The following MUC12 variants were observed in gnomAD, a reference collection of about 807,000 sequenced individuals.
MUC12 encodes mucin 12, cell surface associated.
MUC12 carries 172 observed loss-of-function variants against 230.8 expected under a neutral mutation model. That is an observed-to-expected ratio of 0.75 (90% CI 0.66 to 0.85). MUC12 has a LOEUF of 0.85. Ranked by LOEUF, MUC12 falls within the 40% of genes least tolerant of loss-of-function variation. The probability of loss-of-function intolerance (pLI) is 0.00; values close to 1 mark genes in which losing one functional copy is unlikely to be tolerated. For missense variants in MUC12, 3,506 were observed against 5,920.6 expected (o/e 0.59, Z 13.38); for synonymous variants, 1,259 against 2,401.9 (o/e 0.52, Z 13.91).
intron 1 of MUC12, among the ~76,000 whole-genome samples, chr7:100,973,259 G>A (rs1426493522): frequency 4.8e-5 from 1 of 20,706 alleles, no homozygotes; most frequent in Non-Finnish European, 1.1e-4. Context: ...CTTGATGGTT[G>A]GCTGGGGGAC....
At chr7:100,981,083 A>G (rs1793097730) in intron 1 of MUC12, among the ~76,000 whole-genome samples, 1 of 152,258 alleles carries the variant, frequency 6.6e-6, no homozygotes, top group South Asian at 2.1e-4. Flanking sequence ...CTGACAAAGA[A>G]GAAATCATAT....
At chr7:100,969,904 G>T (rs1355296799) in intron 1 of MUC12, among the ~76,000 whole-genome samples, 7 of 152,298 alleles carry the variant, frequency 4.6e-5, no homozygotes, top group African/African-American at 9.6e-5. Flanking sequence ...TTGTGCAGGG[G>T]ATGGTCTGCA....
Position 100,991,297 on chromosome 7 carries a change from T to A in MUC12, c.734T>A (p.Leu245His). ...CCTGACAACACCACAACCTCAGGCC[T>A]CCTTGAAGCATCTACGCCCGTCCAC... is the stretch of plus-strand genomic sequence containing the variant. The part of the protein sequence containing the change: ...RLPDNTTTSG[L>H]LEASTPVHSS... Residue 245 changes from leucine to histidine, a missense_variant, in exon 2 of 12, where the codon CTC becomes CAC. Transcript: ENST00000536621. 6.5e-7 allele frequency: 1 copy of A among 1,537,052 alleles called. No individual in the cohort carries two copies. The highest frequency in any genetic ancestry group is 8.7e-7 in the Non-Finnish European group (1 of 1,146,880).
At chr7:100,981,538 T>C in intron 1 of MUC12, 1 of 438,190 alleles carries the variant, frequency 2.3e-6, no homozygotes. Flanking sequence ...GAATGTGAGA[T>C]TTCAGAAAGA....
rs760683360 is a variant in MUC12, at chr7:101,004,732, A to T, written c.14169A>T (p.Thr4723=). The part of the protein sequence containing the change: ...TFYISPGSME[T]TLASTATTPG... ...ATATCTCTCCAGGCTCAATGGAAAC[A>T]ACATTAGCCAGCACTGCCACAACAC... The change falls in exon 2 of 12, where the codon ACA becomes ACT. Residue 4723 remains threonine (T), a synonymous_variant. Transcript: ENST00000536621. 6.5e-7 allele frequency: 1 copy of T among 1,536,972 alleles called. No homozygotes were observed. Among genetic ancestry groups the T allele is most frequent in the South Asian group, 1.2e-5 (1 of 84,012 alleles).
At position 101,004,538 on chromosome 7, in the gene MUC12, C is replaced by T. The variant is rs11766024; in HGVS notation, c.13975C>T (p.His4659Tyr). The T allele has an allele frequency of 0.44, 676,460 of 1,535,750 alleles. 153,077 individuals carry two copies. The highest frequency in any genetic ancestry group is 0.58 in the East Asian group (23,466 of 40,720). The change falls in exon 2 of 12, where the codon CAC becomes TAC. Residue 4659 changes from histidine to tyrosine, a missense_variant. Physicochemically the swap from His to Tyr is moderately conservative, Grantham distance 83 (BLOSUM62 2). Transcript: ENST00000536621. ...SALVEEPTSYHSSPGSIATTH... is the reference protein window; with the variant it reads ...SALVEEPTSYYSSPGSIATTH... ...CCTTGTTGAAGAACCTACCAGCTAC[C>T]ACAGCAGCCCGGGCTCAATTGCAAC...
At chr7:100,970,136 G>A (rs370461627) in intron 1 of MUC12, among the ~76,000 whole-genome samples, 1 of 152,304 alleles carries the variant, frequency 6.6e-6, no homozygotes, top group Non-Finnish European at 1.5e-5. Flanking sequence ...GTGTGTGACA[G>A]TATCATCTCT....
In MUC12 at chr7:101,006,572, G is replaced by A; in HGVS notation, c.15058G>A (p.Glu5020Lys). The A allele has an allele frequency of 6.5e-7, 1 of 1,533,166 alleles. No individual in the cohort carries two copies. The highest frequency in any genetic ancestry group is 8.7e-7 in the Non-Finnish European group (1 of 1,143,230). The allele number at this position is 1,533,166 out of a possible 1,614,324, so 95.0% of individuals were successfully genotyped here. A position where few individuals can be genotyped will look rare whatever the true frequency, so the allele number is the denominator to read the frequency against. The change falls in exon 3 of 12, where the codon GAA becomes AAA. Residue 5020 changes from glutamate (E) to lysine (K), a missense_variant and splice_region_variant. Transcript: ENST00000536621. ...GTCCCCTCTGGAATCCTTCCCTGTA[G>A]GTAATGACCTTTTCTGAGACCTGCA... is the stretch of plus-strand genomic sequence containing the variant. ...CLSPLESFPV[E>K]TPEKLNATLG...
At position 101,008,663 on chromosome 7, in the gene MUC12, G is replaced by A; in HGVS notation, c.15088G>A (p.Gly5030Ser). Residue 5030 changes from glycine to serine, a missense_variant, in exon 4 of 12, where the codon GGT becomes AGT. Physicochemically the swap from Gly to Ser is moderately conservative, Grantham distance 56 (BLOSUM62 0). Coordinates refer to ENST00000536621, the MANE Select transcript of MUC12 (RefSeq NM_001164462.2). The stretch of plus-strand genomic sequence containing the variant: ...CCCGGAAAAACTCAACGCCACTTTA[G>A]GTATGACAGTGAAAGTGACTTACAG... ...ETPEKLNATL[G>S]MTVKVTYRNF... The A allele has an allele frequency of 1.3e-6, 2 of 1,537,338 alleles. No individual in the cohort carries two copies. Among genetic ancestry groups the A allele is most frequent in the Non-Finnish European group, 1.7e-6 (2 of 1,146,942 alleles).
intron 8 of MUC12, 82 bp downstream of exon 8, chr7:101,013,224 G>C: frequency 6.7e-7 from 1 of 1,483,658 alleles, no homozygotes; most frequent in Non-Finnish European, 9.0e-7. Flanking sequence ...CACAGGGTTG[G>C]GGGATTGAGT....
At chr7:101,014,634 T>C (rs1021688216) in intron 9 of MUC12, among the ~76,000 whole-genome samples, 1 of 152,074 alleles carries the variant, frequency 6.6e-6, no homozygotes, top group Admixed American at 6.5e-5. Context: ...CATTCCACCA[T>C]GCCTGGCTAA....
At chr7:101,006,128 T>C (rs1793746107) in intron 2 of MUC12, among the ~76,000 whole-genome samples, 1 of 152,146 alleles carries the variant, frequency 6.6e-6, no homozygotes, top group Non-Finnish European at 1.5e-5. Flanking sequence ...AGAATCCGCA[T>C]CTGCTCTGGC....
chr7:101,018,062 CCTGGG>C (rs1475663760), intron 11 of MUC12, among the ~76,000 whole-genome samples: 46 of 262 alleles, frequency 0.18, 18 homozygotes, highest in Middle Eastern at 0.5. Context: ...TTCCCTTCCC[CCTGGG>C]ACTCCCTCCC....
chr7:100,984,197 A>C (rs1256560877), intron 1 of MUC12, among the ~76,000 whole-genome samples: 1 of 152,108 alleles, frequency 6.6e-6, no homozygotes, highest in African/African-American at 2.4e-5. Flanking sequence ...ACACTCTCAA[A>C]GAGGGGAGAG....
intron 11 of MUC12, 67 bp from the exon 12 acceptor site, chr7:101,018,528 T>C: frequency 7.5e-7 from 1 of 1,333,688 alleles, no homozygotes; most frequent in Non-Finnish European, 9.9e-7. Flanking sequence ...GGGCTCCCTC[T>C]TCCTCCTGGG....
At chr7:100,970,744 TC>T (rs956113156) in intron 1 of MUC12, among the ~76,000 whole-genome samples, 1 of 151,550 alleles carries the variant, frequency 6.6e-6, no homozygotes, top group African/African-American at 2.4e-5. Flanking sequence ...TGGCCTGTAA[TC>T]CCAGCACTTT....
chr7:101,011,859 A>G (rs1321591858), intron 5 of MUC12, among the ~76,000 whole-genome samples: 2 of 152,244 alleles, frequency 1.3e-5, no homozygotes, highest in Admixed American at 1.3e-4. Flanking sequence ...ACAAGGGTAC[A>G]AATATAAATT....
chr7:100,978,040 C>T (rs1037659284), intron 1 of MUC12, among the ~76,000 whole-genome samples: 3 of 152,196 alleles, frequency 2.0e-5, no homozygotes, highest in African/African-American at 7.2e-5. Flanking sequence ...AGATCCTTGA[C>T]TTAATGACAT....
rs1793279908 is a variant in MUC12, at chr7:100,990,995, C to G, written c.432C>G (p.Pro144=). The G allele has an allele frequency of 6.5e-7, 1 of 1,537,866 alleles. No individual in the cohort carries two copies. Among genetic ancestry groups the G allele is most frequent in the Non-Finnish European group, 8.7e-7 (1 of 1,147,048 alleles). ...AATCTACCACCTTCTACAGTAGCCC[C>G]AGATCACCAGACAGAACACTCTCAC... The part of the protein sequence containing the change: ...SEKSTTFYSS[P]RSPDRTLSPA... The change falls in exon 2 of 12, where the codon CCC becomes CCG. Residue 144 remains proline, a synonymous_variant. Coordinates refer to ENST00000536621, the MANE Select transcript of MUC12 (RefSeq NM_001164462.2).
Sources: allele counts gnomAD v4.1 joint callset (sites outside exome capture counted in the v4.1 genomes callset), GRCh38; gene constraint gnomAD v4.1.1; transcripts MANE v1.5; gene names NCBI Gene and HGNC (gene_info 2026-07-23, HGNC 2026-07-21).